ATP2B4: variants seen among roughly 807,000 people sequenced by gnomAD.
ATP2B4 encodes the protein ATPase plasma membrane Ca2+ transporting 4.
Under a neutral mutation model 110.3 loss-of-function variants are expected in ATP2B4, and 39 were observed. That is an observed-to-expected ratio of 0.35 (90% confidence interval 0.27 to 0.46). The LOEUF (loss-of-function observed/expected upper bound fraction) is 0.46. Among genes scored for constraint, ATP2B4 ranks in the 20% least tolerant of loss-of-function variants. The pLI is 1.00. For synonymous variants in ATP2B4, 538 were observed against 571.7 expected (o/e 0.94, Z 0.84); for missense variants, 1,135 against 1,530.9 (o/e 0.74, Z 4.32).
At chr1:203,704,467 CTTTTTTTTTTTTTTTTTTTT>C (rs35019828) in intron 8 of ATP2B4, among the ~76,000 whole-genome samples, 1 of 68,804 alleles carries the variant, frequency 1.5e-5, no homozygotes, top group African/African-American at 6.9e-5. Flanking sequence ...AAGGAACAGT[CTTTTTTTTTTTTTTTTTTTT>C]TTTTTTTTTT....
rs762853982 is a variant in ATP2B4, at chr1:203,714,152, G to A, written c.2300-19G>A. ...GGGGAGACCAGAAAAGCTCACTGTG[G>A]TGTGTCTGTTTCTCCCAGGCATAAT... On this transcript the variant is annotated intron_variant, in intron 14 of 20. Transcript: ENST00000357681. 30 of 1,611,530 alleles carry A rather than the reference G, an allele frequency of 1.9e-5. No individual in the cohort carries two copies. The South Asian group carries it at 1.9e-4, about 10-fold the overall frequency.
intron 19 of ATP2B4, among the ~76,000 whole-genome samples, 196 bp downstream of exon 19, chr1:203,724,184 GT>G (rs1195522197): frequency 6.6e-6 from 1 of 152,060 alleles, no homozygotes; most frequent in Non-Finnish European, 1.5e-5. Flanking sequence ...CACTTCAGAG[GT>G]TTCAGAATTC....
intron 20 of ATP2B4, among the ~76,000 whole-genome samples, chr1:203,737,978 A>C (rs1666913269): frequency 6.6e-6 from 1 of 152,196 alleles, no homozygotes; most frequent in Non-Finnish European, 1.5e-5. Flanking sequence ...GCACTGGAAC[A>C]GGTGATCCAA....
chr1:203,733,111 C>T, intron 20 of ATP2B4: 1 of 1,004,264 alleles, frequency 1.0e-6, no homozygotes, highest in Non-Finnish European at 1.4e-6. Flanking sequence ...CCCCTTTTCC[C>T]ATCTACTTCC....
intron 20 of ATP2B4, chr1:203,729,757 T>C (rs558997975): frequency 1.1e-4 from 143 of 1,346,008 alleles, no homozygotes; most frequent in Admixed American, 4.7e-4. Flanking sequence ...TCACATCCAA[T>C]TGGGCAGGCA....
chr1:203,739,436 T>C (rs747055663), intron 20 of ATP2B4, 110 bp from the exon 21 acceptor site: 6 of 1,089,050 alleles, frequency 5.5e-6, no homozygotes, highest in Non-Finnish European at 8.0e-6. Context: ...TGAGCAGTCA[T>C]GTTTTATAGT....
Position 203,673,405 on chromosome 1 carries a change from C to G in ATP2B4, c.-464-9337C>G, listed in dbSNP as rs559616370. ...AAGGCCTAGGCTGACTGAATGGATCCTGTCTGTGCAATATGTGAACAAGGA... is the reference window on the plus strand; with the variant it reads ...AAGGCCTAGGCTGACTGAATGGATCGTGTCTGTGCAATATGTGAACAAGGA... On this transcript the variant is annotated intron_variant, in intron 1 of 20. Coordinates refer to ENST00000357681, the MANE Select transcript of ATP2B4 (RefSeq NM_001684.5). Among the ~76,000 whole-genome samples, 4 of 152,348 alleles carry G rather than the reference C, an allele frequency of 2.6e-5. No individual in the cohort carries two copies. The East Asian group carries it at 5.8e-4, about 22-fold the overall frequency.
At chr1:203,732,777 T>C (rs1330272628) in intron 20 of ATP2B4, among the ~76,000 whole-genome samples, 1 of 149,550 alleles carries the variant, frequency 6.7e-6, no homozygotes, top group Non-Finnish European at 1.5e-5. Context: ...AGTGTGCCAC[T>C]GCACTCCAGC....
intron 2 of ATP2B4, among the ~76,000 whole-genome samples, chr1:203,686,684 TC>T (rs1571722170): frequency 1.6e-5 from 2 of 122,470 alleles, no homozygotes; most frequent in South Asian, 2.8e-4. Context: ...TTCTTTTCTT[TC>T]TTTTTTTTTT....
At chr1:203,718,728 A>G (rs959750678) in intron 15 of ATP2B4, among the ~76,000 whole-genome samples, 2 of 152,214 alleles carry the variant, frequency 1.3e-5, no homozygotes, top group African/African-American at 4.8e-5. Flanking sequence ...CAAAATATCA[A>G]TAATATTAAT....
At chr1:203,695,072 C>T (rs1388879147) in intron 2 of ATP2B4, among the ~76,000 whole-genome samples, 1 of 152,102 alleles carries the variant, frequency 6.6e-6, no homozygotes, top group Admixed American at 6.5e-5. Flanking sequence ...TTGGGGTGCA[C>T]CTTATGATCT....
intron 17 of ATP2B4, 69 bp downstream of exon 17, chr1:203,721,479 C>T (rs116291843): frequency 0.02 from 29,846 of 1,496,802 alleles, 348 homozygotes; most frequent in Non-Finnish European, 0.024. Context: ...AAGAAGGTAG[C>T]GTGAGAGCAA....
At position 203,700,709 on chromosome 1, in the gene ATP2B4, T is replaced by G. The variant is rs1385663921; in HGVS notation, c.776-89T>G. The G allele has an allele frequency of 3.9e-6, 6 of 1,536,104 alleles. No individual in the cohort carries two copies. The Admixed American group carries it at 8.6e-5, about 22-fold the overall frequency. ...TCATTATCCATGGGGTAGGGAGGAGTATTTTTTCTTCTAAGTTTGTGTTTC... is the reference window on the plus strand; with the variant it reads ...TCATTATCCATGGGGTAGGGAGGAGGATTTTTTCTTCTAAGTTTGTGTTTC... On this transcript the variant is annotated intron_variant, in intron 5 of 20. Coordinates refer to ENST00000357681, the MANE Select transcript of ATP2B4 (RefSeq NM_001684.5).
intron 19 of ATP2B4, among the ~76,000 whole-genome samples, chr1:203,725,479 T>C (rs1051406505): frequency 2.6e-5 from 4 of 152,322 alleles, no homozygotes; most frequent in Non-Finnish European, 4.4e-5. Flanking sequence ...CTGAATCATC[T>C]TGGGCAAGTT....
intron 14 of ATP2B4, among the ~76,000 whole-genome samples, chr1:203,713,865 G>T (rs1424708740): frequency 2.0e-5 from 3 of 152,230 alleles, no homozygotes; most frequent in Non-Finnish European, 2.9e-5. Context: ...GAAGTTTGAG[G>T]CTGAGAAGAC....
rs929666175 is a variant in ATP2B4 at position 203,741,223 on chromosome 1, G to A, written c.*1369G>A. ...CCTGTGACATTTTGCCAACTTAAAC[G>A]AGAAAAAGACCCCCCGCACCCGGCA... On this transcript the variant is annotated 3_prime_UTR_variant, in exon 21 of 21. Transcript: ENST00000357681. 3.3e-5 allele frequency: 5 copies of A among 152,560 alleles called. No homozygotes were observed. Among genetic ancestry groups the A allele is most frequent in the African/African-American group, 9.6e-5 (4 of 41,474 alleles). The allele number at this position is 152,560 out of a possible 1,614,324, so 9.5% of individuals were successfully genotyped here.
intron 14 of ATP2B4, among the ~76,000 whole-genome samples, chr1:203,713,890 A>C (rs937797594): frequency 6.6e-5 from 10 of 152,140 alleles, no homozygotes; most frequent in Admixed American, 6.5e-4. Flanking sequence ...AACTTACCCA[A>C]ATTACCCAGC....
chr1:203,657,546 A>C, intron 1 of ATP2B4: 1 of 834,302 alleles, frequency 1.2e-6, no homozygotes, highest in Admixed American at 1.8e-5. Context: ...CTTTTCATGC[A>C]TCTTGATAGT....
chr1:203,627,917 G>A (rs1571654310), intron 1 of ATP2B4, among the ~76,000 whole-genome samples: 1 of 152,324 alleles, frequency 6.6e-6, no homozygotes, highest in Non-Finnish European at 1.5e-5. Context: ...GGAAAAAGCT[G>A]GGAGTTACCT....
Sources: allele counts gnomAD v4.1 joint callset (sites outside exome capture counted in the v4.1 genomes callset), GRCh38; gene constraint gnomAD v4.1.1; transcripts MANE v1.5; gene names NCBI Gene and HGNC (gene_info 2026-07-23, HGNC 2026-07-21).